ACOX3: variants seen among roughly 807,000 people sequenced by gnomAD.
The protein encoded by ACOX3 is acyl-CoA oxidase 3, pristanoyl.
ACOX3 carries 73 observed loss-of-function variants against 81.5 expected under a neutral mutation model. That is an observed-to-expected ratio of 0.90 (90% CI 0.74 to 1.09). The LOEUF is 1.09. Among genes scored for constraint, ACOX3 ranks in the 50% least tolerant of loss-of-function variants. The probability of loss-of-function intolerance (pLI) is 0.00; values close to 1 mark genes in which losing one functional copy is unlikely to be tolerated. For missense variants in ACOX3, 947 were observed against 928.0 expected (o/e 1.02, Z -0.27); for synonymous variants, 387 against 375.1 (o/e 1.03, Z -0.37).
rs1054649598 is a variant in ACOX3 at position 8,387,371 on chromosome 4, GTC to G, written c.1537+1800_1537+1801del. 3.3e-5 allele frequency among the ~76,000 whole-genome samples: 5 copies of G among 152,182 alleles called. No homozygotes were observed. The East Asian group carries it at 5.8e-4, about 18-fold the overall frequency. ...CCCCGGCAGCCTGGCGGGAGCTGAC[GTC>G]TCTCTCACTCAGGAAGGTGGGCTAC... On this transcript the variant is annotated intron_variant, in intron 13 of 17. Coordinates refer to ENST00000356406, the MANE Select transcript of ACOX3 (RefSeq NM_003501.3).
the ACOX3 span, chr4:8,356,541 T>G: frequency 2.2e-6 from 1 of 455,912 alleles, no homozygotes; most frequent in South Asian, 1.5e-5. Flanking sequence ...CCACAGAGTA[T>G]GACCCATTTC....
intron 15 of ACOX3, chr4:8,374,229 CTG>C (rs1226321251): frequency 6.5e-6 from 1 of 154,694 alleles, no homozygotes; most frequent in Non-Finnish European, 1.4e-5. Context: ...CTGGAGAGAA[CTG>C]TGTCTCATCA....
intron 6 of ACOX3, among the ~76,000 whole-genome samples, chr4:8,408,430 T>C (rs1340617426): frequency 1.3e-5 from 2 of 152,182 alleles, no homozygotes; most frequent in Non-Finnish European, 2.9e-5. Context: ...TGGACTCAGG[T>C]GCCCTGAGCA....
downstream of ACOX3, among the ~76,000 whole-genome samples, chr4:8,365,941 A>G (rs1234843813): frequency 6.6e-6 from 1 of 152,192 alleles, no homozygotes. Context: ...GCTGGGTTAC[A>G]TCTGTTTGAT....
intron 1 of ACOX3, among the ~76,000 whole-genome samples, chr4:8,439,581 G>T (rs1406136137): frequency 6.6e-6 from 1 of 152,214 alleles, no homozygotes; most frequent in South Asian, 2.1e-4. Context: ...TGTGTTGCTT[G>T]CTAGGAAAAA....
chr4:8,401,288 A>G (rs1220129443), intron 7 of ACOX3, among the ~76,000 whole-genome samples: 2 of 152,118 alleles, frequency 1.3e-5, no homozygotes, highest in Non-Finnish European at 2.9e-5. Flanking sequence ...ACCCCTGCCT[A>G]CAGAATAGTC....
chr4:8,398,681 G>A (rs905284778), intron 8 of ACOX3, among the ~76,000 whole-genome samples: 1 of 152,082 alleles, frequency 6.6e-6, no homozygotes, highest in Non-Finnish European at 1.5e-5. Flanking sequence ...TTGCCATATT[G>A]CCCAGGCTGG....
Position 8,416,275 on chromosome 4 carries a change from C to T in ACOX3, c.144+103G>A, listed in dbSNP as rs1364880816. 1.4e-5 allele frequency: 23 copies of T among 1,590,490 alleles called. No individual in the cohort carries two copies. Among genetic ancestry groups the T allele is most frequent in the Admixed American group, 6.7e-5 (4 of 59,722 alleles). On this transcript the variant is annotated intron_variant, in intron 2 of 17. Coordinates refer to ENST00000356406, the MANE Select transcript of ACOX3 (RefSeq NM_003501.3). The surrounding 1 kb of genome is among the most constrained non-coding windows in gnomAD (Gnocchi z 4.2). ...AGGCCGCGCTGCCTGGGATGAGCCT[C>T]GCCCGGCAGAGGAGGAGCTGTGAGA...
downstream of ACOX3, among the ~76,000 whole-genome samples, chr4:8,362,942 C>G (rs114883829): frequency 8.9e-4 from 135 of 152,288 alleles, 1 homozygote; most frequent in African/African-American, 3.0e-3. Flanking sequence ...ATAATAAAAT[C>G]AGTCTTACCA....
chr4:8,408,148 T>A (rs554311410), intron 6 of ACOX3, among the ~76,000 whole-genome samples: 1 of 151,502 alleles, frequency 6.6e-6, no homozygotes, highest in Admixed American at 6.6e-5. Flanking sequence ...CTAACTTCAC[T>A]GAACTTTAAA....
At chr4:8,373,487 G>T (rs917177772) in intron 16 of ACOX3, 74 bp downstream of exon 16, 4 of 1,496,464 alleles carry the variant, frequency 2.7e-6, no homozygotes, top group Admixed American at 3.6e-5. Flanking sequence ...TCTGGGTGAT[G>T]CTAAGGGGAT....
rs1722161730 is a variant in ACOX3 at position 8,414,982 on chromosome 4, C to T, written c.379-54G>A. The T allele has an allele frequency of 6.6e-7, 1 of 1,513,480 alleles. No homozygotes were observed. The allele number at this position is 1,513,480 out of a possible 1,614,324, so 93.8% of individuals were successfully genotyped here. A position where few individuals can be genotyped will look rare whatever the true frequency, so the allele number is the denominator to read the frequency against. ...GGGGGCAGGTAAGAAGAGTACTGCTCTTCCGGAACATCACAACAGACAACG... is the reference window on the plus strand; with the variant it reads ...GGGGGCAGGTAAGAAGAGTACTGCTTTTCCGGAACATCACAACAGACAACG... On this transcript the variant is annotated intron_variant, in intron 3 of 17. Transcript: ENST00000356406. The surrounding 1 kb of genome is among the most constrained non-coding windows in gnomAD (Gnocchi z 6.1).
downstream of ACOX3, among the ~76,000 whole-genome samples, chr4:8,364,612 C>T (rs148029941): frequency 5.9e-5 from 9 of 152,066 alleles, no homozygotes; most frequent in South Asian, 4.2e-4. This position sits in a 1 kb window ranked among gnomAD's most constrained non-coding sequence, Gnocchi z 5.0. Flanking sequence ...GAGAACCTGT[C>T]GTGTCTGACA....
chr4:8,378,216 A>G (rs936766965), intron 14 of ACOX3, among the ~76,000 whole-genome samples: 7 of 152,188 alleles, frequency 4.6e-5, no homozygotes, highest in African/African-American at 9.6e-5. Context: ...CCAAATTCAG[A>G]CTGCAGCCAT....
chr4:8,432,528 C>T lies in ACOX3; in HGVS notation c.-15+8120G>A, dbSNP rs952477965. On this transcript the variant is annotated intron_variant, in intron 1 of 17. Transcript: ENST00000356406. The surrounding 1 kb of genome is among the most constrained non-coding windows in gnomAD (Gnocchi z 6.2). The stretch of plus-strand genomic sequence containing the variant: ...GATTACAGGCGTGAGCCACCGCGCC[C>T]GGCCTGATTTTTTTTTTTAATTATA... Among the ~76,000 whole-genome samples, 3 of 152,030 alleles carry T rather than the reference C, an allele frequency of 2.0e-5. No homozygotes were observed. The highest frequency in any genetic ancestry group is 1.9e-4 in the East Asian group (1 of 5,186).
chr4:8,373,505 G>A (rs1378203144), intron 16 of ACOX3, 56 bp downstream of exon 16: 31 of 1,581,432 alleles, frequency 2.0e-5, no homozygotes, highest in African/African-American at 1.2e-4. Flanking sequence ...GATGCGTGTC[G>A]CTCTGGGCGG....
intron 9 of ACOX3, 78 bp downstream of exon 9, chr4:8,396,857 ACC>A: frequency 6.6e-7 from 1 of 1,522,018 alleles, no homozygotes. Flanking sequence ...ACTCCCAGTA[ACC>A]AAACGGCAAC....
At chr4:8,377,184 G>C (rs896106773) in intron 14 of ACOX3, among the ~76,000 whole-genome samples, 4 of 152,200 alleles carry the variant, frequency 2.6e-5, no homozygotes, top group African/African-American at 9.6e-5. Flanking sequence ...ACCCAGAGAT[G>C]AGGCCAATCC....
chr4:8,361,790 A>G (rs995971743), downstream of ACOX3, among the ~76,000 whole-genome samples: 6 of 152,214 alleles, frequency 3.9e-5, no homozygotes, highest in African/African-American at 1.2e-4. Flanking sequence ...TCAACAGTGC[A>G]CTAATGCAAG....
Sources: allele counts gnomAD v4.1 joint callset (sites outside exome capture counted in the v4.1 genomes callset), GRCh38; gene constraint gnomAD v4.1.1; non-coding constraint Gnocchi (gnomAD v3.1); transcripts MANE v1.5; gene names NCBI Gene and HGNC (gene_info 2026-07-23, HGNC 2026-07-21).